FZR1: variants seen among roughly 807,000 people sequenced by gnomAD.
FZR1 encodes fizzy and cell division cycle 20 related 1.
Under a neutral mutation model 63.6 loss-of-function variants are expected in FZR1, and 11 were observed. The ratio of observed to expected loss-of-function variants is 0.17; its 90% CI spans 0.11 to 0.29. The LOEUF is 0.29. Ranked by LOEUF, FZR1 falls within the 10% of genes least tolerant of loss-of-function variation. The probability of loss-of-function intolerance (pLI) is 1.00; values close to 1 mark genes in which losing one functional copy is unlikely to be tolerated. For synonymous variants in FZR1, 328 were observed against 297.9 expected, an observed-to-expected ratio of 1.10 and a Z score of -1.04; for missense variants, 440 against 687.5, an observed-to-expected ratio of 0.64 and a Z score of 4.03.
chr19:3,533,662 A>G lies in FZR1; in HGVS notation c.1347+264A>G. 1 of 446,054 alleles carries G rather than the reference A, an allele frequency of 2.2e-6. No homozygotes were observed. Among genetic ancestry groups the G allele is most frequent in the Non-Finnish European group, 4.1e-6 (1 of 245,886 alleles). The allele number at this position is 446,054 out of a possible 1,614,324, so 27.6% of individuals were successfully genotyped here. A position where few individuals can be genotyped will look rare whatever the true frequency, so the allele number is the denominator to read the frequency against. ...GCTTCTTCATTTGTTTATTTTCCCC[A>G]TAAAGAGGGGTGAAGAGGAAAGCCA... is the stretch of plus-strand genomic sequence containing the variant. On this transcript the variant is annotated intron_variant, in intron 12 of 13. Transcript: ENST00000441788. This position sits in a 1 kb window ranked among gnomAD's most constrained non-coding sequence, Gnocchi z 4.9.
chr19:3,527,488 G>A (rs2083171947), intron 6 of FZR1, 143 bp from the exon 7 acceptor site: 2 of 665,650 alleles, frequency 3.0e-6, no homozygotes, highest in Admixed American at 5.4e-5. Flanking sequence ...CTGTCCCTGG[G>A]TTTAGGATCA....
chr19:3,529,812 TTGAGTGGATGGG>T (rs1568238197), intron 7 of FZR1, among the ~76,000 whole-genome samples: 2 of 55,110 alleles, frequency 3.6e-5, no homozygotes, highest in Non-Finnish European at 6.3e-5. Context: ...GAGTGGATGG[TTGAGTGGATGGG>T]TGAGCGGATG....
intron 1 of FZR1, 123 bp downstream of exon 1, chr19:3,506,597 GAGCCCCC>G (rs2082984889): frequency 6.6e-6 from 1 of 151,462 alleles, no homozygotes; most frequent in African/African-American, 2.4e-5. Flanking sequence ...GCCCCTCCAG[GAGCCCCC>G]AGTCCCCTCG....
Position 3,525,489 on chromosome 19 carries a change from C to A in FZR1, c.70-379C>A, listed in dbSNP as rs536608016. Among the ~76,000 whole-genome samples the A allele has an allele frequency of 1.4e-3, 182 of 126,278 alleles. 1 individual carries two copies. The highest frequency in any genetic ancestry group is 5.0e-3 in the African/African-American group (167 of 33,194). 82.8% of individuals were successfully genotyped at this position (126,278 alleles called of 152,430 possible). A position where few individuals can be genotyped will look rare whatever the true frequency, so the allele number is the denominator to read the frequency against. ...ACGGAGTCTCGCTCTGTCGCCCAGG[C>A]TGGAGTGCAGTGGCACAATCTTGGC... On this transcript the variant is annotated intron_variant, in intron 2 of 13. Transcript: ENST00000441788. The surrounding 1 kb of genome is among the most constrained non-coding windows in gnomAD (Gnocchi z 4.2).
At position 3,534,507 on chromosome 19, in the gene FZR1, G is replaced by C. The variant is rs34725352; in HGVS notation, c.1434G>C (p.Ser478=). The C allele has an allele frequency of 6.2e-7, 1 of 1,603,216 alleles. No individual in the cohort carries two copies. Among genetic ancestry groups the C allele is most frequent in the East Asian group, 2.2e-5 (1 of 44,720 alleles). ...RFWNVFSKTR[S]TKESVSVLNL... The stretch of plus-strand genomic sequence containing the variant: ...GGAACGTCTTTAGCAAAACCCGTTC[G>C]ACAAAGGTAAAGTGGGTCGGTATCA... Residue 478 remains serine (S), a synonymous_variant, in exon 13 of 14, where the codon TCG becomes TCC. Coordinates refer to ENST00000441788, the MANE Select transcript of FZR1 (RefSeq NM_016263.4).
At chr19:3,524,146 A>G (rs1252958882) in intron 2 of FZR1, among the ~76,000 whole-genome samples, 2 of 152,208 alleles carry the variant, frequency 1.3e-5, no homozygotes, top group Admixed American at 6.5e-5. Flanking sequence ...GGATCTGGGC[A>G]CCACGGCGCC....
chr19:3,532,639 G>A lies in FZR1; in HGVS notation c.1231G>A (p.Ala411Thr), dbSNP rs2083260056. ...GTGCAATCTGGCCTGGTCCAAGCAC[G>A]CCAACGAGCTGGTGAGCACGGGCGG... ...QVCNLAWSKH[A>T]NELVSTHGYS... Residue 411 changes from alanine to threonine, a missense_variant, in exon 11 of 14, where the codon GCC (alanine) becomes ACC (threonine). By Grantham distance (58) the Ala-to-Thr change is moderately conservative. Transcript: ENST00000441788. 1.2e-6 allele frequency: 2 copies of A among 1,611,218 alleles called. No individual in the cohort carries two copies.
In FZR1 at chr19:3,532,406, C is replaced by T. The variant is rs777933716; in HGVS notation, c.1009-11C>T. The T allele has an allele frequency of 3.2e-6, 5 of 1,585,716 alleles. No individual in the cohort carries two copies. In the African/African-American group the frequency reaches 6.8e-5, roughly 21 times the overall value. ...TGGGACAGCCCCGGCCTCACAGCCC[C>T]TGTCCCCCAGCTGCTGGTCTGGAAT... On this transcript the variant is annotated splice_polypyrimidine_tract_variant and intron_variant, in intron 10 of 13. Coordinates refer to ENST00000441788, the MANE Select transcript of FZR1 (RefSeq NM_016263.4).
At chr19:3,512,309 C>T (rs1172611139) in intron 1 of FZR1, among the ~76,000 whole-genome samples, 1 of 152,216 alleles carries the variant, frequency 6.6e-6, no homozygotes, top group Non-Finnish European at 1.5e-5. Flanking sequence ...CAGCTCTCAC[C>T]AAGCATCTTC....
intron 12 of FZR1, 189 bp from the exon 13 acceptor site, chr19:3,534,227 TAAAAA>T (rs3040391): frequency 4.9e-4 from 140 of 282,896 alleles, no homozygotes; most frequent in East Asian, 1.0e-3. Context: ...GTCTTAAAAT[TAAAAA>T]AAAAAAAAAA....
chr19:3,511,322 GC>G (rs921068081), intron 1 of FZR1, among the ~76,000 whole-genome samples: 1 of 152,210 alleles, frequency 6.6e-6, no homozygotes. Context: ...GGTGGGAGCT[GC>G]CCCCCACACA....
rs757696153 is a variant in FZR1 at position 3,526,088 on chromosome 19, C to G, written c.196-32C>G. ...TAGGGCCGGGAACAAGCGGGCTCCT[C>G]GACCCCTCCCTCTCTGCTCTCCTGC... On this transcript the variant is annotated intron_variant, in intron 3 of 13. Transcript: ENST00000441788. The surrounding 1 kb of genome is among the most constrained non-coding windows in gnomAD (Gnocchi z 5.4). 1 of 1,612,086 alleles carries G rather than the reference C, an allele frequency of 6.2e-7. No homozygotes were observed. Among genetic ancestry groups the G allele is most frequent in the Non-Finnish European group, 8.5e-7 (1 of 1,179,382 alleles).
At chr19:3,508,492 C>G (rs1016125521) in intron 1 of FZR1, among the ~76,000 whole-genome samples, 1 of 152,154 alleles carries the variant, frequency 6.6e-6, no homozygotes, top group African/African-American at 2.4e-5. Context: ...CCACCGCGCT[C>G]GGCCTTACGT....
At chr19:3,519,407 G>A (rs577851807) in intron 1 of FZR1, among the ~76,000 whole-genome samples, 5 of 152,312 alleles carry the variant, frequency 3.3e-5, no homozygotes, top group Admixed American at 6.5e-5. Flanking sequence ...TGGAGCCGAC[G>A]GTGGTGGCTG....
At position 3,537,421 on chromosome 19, in the gene FZR1, C is replaced by A. The variant is rs945857541; in HGVS notation, c.*2585C>A. On this transcript the variant is annotated 3_prime_UTR_variant, in exon 14 of 14. Transcript: ENST00000441788. Reference sequence around the variant, plus strand: ...GAGGCTGACCAAGGGCCCCGCAGGGCGGGCTGCAACTTTTCTGTTGATCCT... The same window carrying A: ...GAGGCTGACCAAGGGCCCCGCAGGGAGGGCTGCAACTTTTCTGTTGATCCT... The A allele has an allele frequency of 3.3e-5, 5 of 152,348 alleles. No homozygotes were observed. The highest frequency in any genetic ancestry group is 7.3e-5 in the Non-Finnish European group (5 of 68,148). 9.4% of individuals were successfully genotyped at this position (152,348 alleles called of 1,614,324 possible).
chr19:3,531,891 C>G lies in FZR1; in HGVS notation c.824-20C>G, dbSNP rs545704385. 6.3e-6 allele frequency: 10 copies of G among 1,581,286 alleles called. No homozygotes were observed. Among genetic ancestry groups the G allele is most frequent in the African/African-American group, 4.0e-5 (3 of 74,370 alleles). ...CGCGAGGGCAGGAGAGGCTCACCCC[C>G]GCTTCCACCTGGCCTCCAGGGGCGC... On this transcript the variant is annotated intron_variant, in intron 9 of 13. Transcript: ENST00000441788.
intron 1 of FZR1, among the ~76,000 whole-genome samples, chr19:3,507,086 G>A (rs1388974560): frequency 6.6e-6 from 1 of 152,112 alleles, no homozygotes; most frequent in East Asian, 1.9e-4. Context: ...AGTCCCCGCA[G>A]GCACGGGTTG....
intron 12 of FZR1, 173 bp from the exon 13 acceptor site, chr19:3,534,244 AAAAG>A (rs1297974781): frequency 1.5e-5 from 7 of 454,932 alleles, no homozygotes; most frequent in Non-Finnish European, 2.3e-5. Flanking sequence ...AAAAAAAAAA[AAAAG>A]GCTCCAACCT....
chr19:3,517,930 A>G (rs975083802), intron 1 of FZR1, among the ~76,000 whole-genome samples: 5 of 144,414 alleles, frequency 3.5e-5, no homozygotes, highest in Non-Finnish European at 7.5e-5. Context: ...GTGCGATCTC[A>G]GCTCACTGCA....
Sources: gnomAD v4.1 joint callset for allele counts (sites outside exome capture counted in the v4.1 genomes callset) on GRCh38, gnomAD v4.1.1 for gene constraint, Gnocchi (gnomAD v3.1) non-coding constraint, MANE v1.5 for transcripts, NCBI Gene and HGNC (gene_info 2026-07-23, HGNC 2026-07-21) for gene names.